Variants in DPP6 observed in about 807,000 individuals in gnomAD.
DPP6 encodes the protein dipeptidyl peptidase like 6.
In DPP6, 69 loss-of-function variants were observed where a neutral mutation model predicts 122.6. That is an observed-to-expected ratio of 0.56 (90% CI 0.46 to 0.69). The LOEUF is 0.69. Among genes scored for constraint, DPP6 ranks in the 30% least tolerant of loss-of-function variants. DPP6 has a pLI of 0.00. For missense variants in DPP6, 928 were observed against 1,116.9 expected (o/e 0.83, Z 2.41); for synonymous variants, 418 against 433.1 (o/e 0.97, Z 0.43).
chr7:154,267,428 A>G (rs1803493963), intron 1 of DPP6, among the ~76,000 whole-genome samples: 1 of 148,600 alleles, frequency 6.7e-6, no homozygotes, highest in African/African-American at 2.5e-5. Context: ...ACATATACAT[A>G]TACATGCACA....
At chr7:154,066,840 A>C (rs569568455) in intron 1 of DPP6, among the ~76,000 whole-genome samples, 99 of 152,284 alleles carry the variant, frequency 6.5e-4, no homozygotes, top group Non-Finnish European at 3.1e-4. Flanking sequence ...AGAGACAGGC[A>C]TGTGAGCAAA....
chr7:154,654,127 A>T (rs910518821), intron 6 of DPP6, among the ~76,000 whole-genome samples: 3 of 152,140 alleles, frequency 2.0e-5, no homozygotes, highest in Admixed American at 6.6e-5. Context: ...GGCTTAAAGG[A>T]TACGGGAGGA....
In DPP6 at chr7:153,925,981, G is replaced by A. The variant is rs1040332901; in HGVS notation, c.51+38247G>A. Among the ~76,000 whole-genome samples, 8 of 152,170 alleles carry A rather than the reference G, an allele frequency of 5.3e-5. 1 individual carries two copies. The highest frequency in any genetic ancestry group is 6.5e-5 in the Admixed American group (1 of 15,278). ...TTGATGATTCCTGCCGACCACAGCA[G>A]GTACCTGCAGTCCCTGTAGTTCCTC... is the stretch of plus-strand genomic sequence containing the variant. On this transcript the variant is annotated intron_variant, in intron 1 of 25. Coordinates refer to the DPP6 transcript ENST00000404039.
intron 1 of DPP6, among the ~76,000 whole-genome samples, chr7:153,890,683 C>CTTTTTTTTT (rs34345128): frequency 2.4e-5 from 2 of 81,962 alleles, no homozygotes; most frequent in African/African-American, 5.7e-5. Context: ...CAGTTTAGAA[C>CTTTTTTTTT]TTTTTTTTTT....
At chr7:154,366,994 C>T (rs1036715205) in intron 1 of DPP6, among the ~76,000 whole-genome samples, 1 of 152,160 alleles carries the variant, frequency 6.6e-6, no homozygotes, top group Non-Finnish European at 1.5e-5. Flanking sequence ...TTCGATGTCA[C>T]AGAAGGAAAT....
chr7:154,137,973 A>G (rs1795660833), intron 1 of DPP6, among the ~76,000 whole-genome samples: 1 of 152,188 alleles, frequency 6.6e-6, no homozygotes, highest in African/African-American at 2.4e-5. Flanking sequence ...GCCTTAGCTT[A>G]CACAATTCCT....
intron 1 of DPP6, among the ~76,000 whole-genome samples, chr7:153,987,969 G>A (rs1796932777): frequency 6.6e-6 from 1 of 152,110 alleles, no homozygotes; most frequent in Admixed American, 6.5e-5. Flanking sequence ...GAGTCAGGGG[G>A]AAGACAGCAT....
chr7:153,840,977 A>C, the DPP6 span, among the ~76,000 whole-genome samples: 1 of 152,202 alleles, frequency 6.6e-6, no homozygotes. Flanking sequence ...TCATTTGTGA[A>C]ATGAGCCCCA....
At chr7:154,261,003 C>T (rs191740794) in intron 1 of DPP6, among the ~76,000 whole-genome samples, 5 of 152,112 alleles carry the variant, frequency 3.3e-5, no homozygotes, top group Non-Finnish European at 7.4e-5. Flanking sequence ...TCAAGTGATT[C>T]TCCTGCCTCA....
intron 1 of DPP6, among the ~76,000 whole-genome samples, chr7:154,359,080 A>G (rs1811508701): frequency 6.6e-6 from 1 of 152,226 alleles, no homozygotes; most frequent in South Asian, 2.1e-4. Context: ...AGGAAATGTG[A>G]TGCATGTGCT....
At chr7:154,128,165 C>T (rs572542745) in intron 1 of DPP6, among the ~76,000 whole-genome samples, 88 of 150,880 alleles carry the variant, frequency 5.8e-4, no homozygotes, top group African/African-American at 2.1e-3. Context: ...ATACGAATTG[C>T]ATGAATTTTA....
At chr7:154,349,558 A>G (rs576318313) in intron 1 of DPP6, among the ~76,000 whole-genome samples, 1 of 152,336 alleles carries the variant, frequency 6.6e-6, no homozygotes, top group South Asian at 2.1e-4. Context: ...AATTCCTTTA[A>G]TACGGCTGGG....
At chr7:154,828,210 T>A (rs925788221) in intron 16 of DPP6, among the ~76,000 whole-genome samples, 2 of 152,146 alleles carry the variant, frequency 1.3e-5, no homozygotes, top group African/African-American at 2.4e-5. Flanking sequence ...CAAGAGCATT[T>A]GGGGAAGATG....
At chr7:154,129,131 T>G (rs1189577836) in intron 1 of DPP6, among the ~76,000 whole-genome samples, 1 of 151,620 alleles carries the variant, frequency 6.6e-6, no homozygotes, top group Non-Finnish European at 1.5e-5. Context: ...GTTCTCCAAC[T>G]TTATGGTAGA....
intron 1 of DPP6, among the ~76,000 whole-genome samples, chr7:153,938,206 T>C (rs2129015906): frequency 6.6e-6 from 1 of 152,294 alleles, no homozygotes; most frequent in Non-Finnish European, 1.5e-5. Context: ...TCTATTACCT[T>C]TTCTGTCCTC....
chr7:153,879,083 G>T, the DPP6 span, among the ~76,000 whole-genome samples: 1 of 152,172 alleles, frequency 6.6e-6, no homozygotes, highest in African/African-American at 2.4e-5. Context: ...TAATAGCAGT[G>T]AACGCCAGAG....
intron 5 of DPP6, among the ~76,000 whole-genome samples, chr7:154,631,545 G>A (rs1835408617): frequency 1.3e-5 from 2 of 152,090 alleles, no homozygotes; most frequent in South Asian, 2.1e-4. Context: ...TCTCATGCCT[G>A]TAATCCAAGC....
At chr7:153,753,931 T>G in the DPP6 span, among the ~76,000 whole-genome samples, 1 of 152,242 alleles carries the variant, frequency 6.6e-6, no homozygotes, top group East Asian at 1.9e-4. Flanking sequence ...AATGAATTAC[T>G]AAAATGTTGG....
intron 4 of DPP6, among the ~76,000 whole-genome samples, chr7:154,545,125 C>G (rs1212836426): frequency 6.6e-6 from 1 of 152,196 alleles, no homozygotes; most frequent in African/African-American, 2.4e-5. Context: ...ATTTGAATTA[C>G]ATGTTTGATG....
Sources: gnomAD v4.1 joint callset for allele counts (sites outside exome capture counted in the v4.1 genomes callset) on GRCh38, gnomAD v4.1.1 for gene constraint, MANE v1.5 for transcripts, NCBI Gene and HGNC (gene_info 2026-07-23, HGNC 2026-07-21) for gene names.